Variants in PDE4D observed in about 807,000 individuals in gnomAD.
PDE4D encodes 3',5'-cyclic-AMP phosphodiesterase 4D.
Under a neutral mutation model 87.4 loss-of-function variants are expected in PDE4D, and 24 were observed. The ratio of observed to expected loss-of-function variants is 0.27; its 90% CI spans 0.20 to 0.39. The LOEUF is 0.39. PDE4D is among the 10% of genes least tolerant of loss of function. The pLI is 1.00. For synonymous variants in PDE4D, 384 were observed against 383.2 expected (o/e 1.00, Z -0.02); for missense variants, 714 against 1,041.0 (o/e 0.69, Z 4.32).
At chr5:59,408,365 T>G (rs932290077) in intron 1 of PDE4D, among the ~76,000 whole-genome samples, 2 of 152,112 alleles carry the variant, frequency 1.3e-5, no homozygotes, top group Admixed American at 1.3e-4. Context: ...GAAAGAGTGA[T>G]CCTAGTCTCT....
At chr5:59,863,952 TG>T (rs1746652698) in intron 1 of PDE4D, among the ~76,000 whole-genome samples, 1 of 152,144 alleles carries the variant, frequency 6.6e-6, no homozygotes, top group African/African-American at 2.4e-5. Context: ...ACTGGCTCCC[TG>T]GAAGGCTGAG....
chr5:59,704,393 AATG>A (rs1334607819), intron 1 of PDE4D, among the ~76,000 whole-genome samples: 1 of 152,190 alleles, frequency 6.6e-6, no homozygotes, highest in African/African-American at 2.4e-5. Context: ...CATCATCTAC[AATG>A]ATGACACCAT....
chr5:59,161,389 C>A (rs1781080114), intron 5 of PDE4D, among the ~76,000 whole-genome samples: 1 of 152,106 alleles, frequency 6.6e-6, no homozygotes, highest in Non-Finnish European at 1.5e-5. Context: ...TTCGAGGTCA[C>A]AGGTAGATTT....
At chr5:60,031,582 G>T (rs1002042612) in intron 2 of PDE4D, among the ~76,000 whole-genome samples, 1 of 152,162 alleles carries the variant, frequency 6.6e-6, no homozygotes, top group African/African-American at 2.4e-5. Flanking sequence ...ATGTCAGTCA[G>T]CTAGCCCTGC....
intron 2 of PDE4D, among the ~76,000 whole-genome samples, chr5:60,008,040 T>C (rs1045005023): frequency 1.3e-5 from 2 of 151,972 alleles, no homozygotes; most frequent in African/African-American, 4.8e-5. Context: ...AAATAGCCAG[T>C]CTCAAGTCAC....
chr5:60,221,641 A>G (rs1196009617), intron 1 of PDE4D, among the ~76,000 whole-genome samples: 2 of 152,166 alleles, frequency 1.3e-5, no homozygotes, highest in African/African-American at 4.8e-5. Context: ...AGAAGCAATG[A>G]CACATAGGAT....
At chr5:59,810,490 T>A (rs1207102110) in intron 1 of PDE4D, among the ~76,000 whole-genome samples, 2 of 152,250 alleles carry the variant, frequency 1.3e-5, no homozygotes, top group Non-Finnish European at 2.9e-5. Context: ...TGGGAACTTA[T>A]AATGAAAAGA....
At chr5:59,395,997 A>G (rs1329312154) in intron 1 of PDE4D, among the ~76,000 whole-genome samples, 1 of 120,548 alleles carries the variant, frequency 8.3e-6, no homozygotes, top group Admixed American at 8.1e-5. Flanking sequence ...GGAAGATGAA[A>G]TGAATGAAAT....
intron 1 of PDE4D, among the ~76,000 whole-genome samples, chr5:60,414,981 A>G (rs1475591874): frequency 1.3e-5 from 2 of 152,252 alleles, no homozygotes; most frequent in Non-Finnish European, 2.9e-5. Context: ...ATCATTTGCC[A>G]TTGGGCAGAC....
rs113428981 is a variant in PDE4D, at chr5:60,269,546, A to T, written c.-89-83859T>A. ...ATGCTGCTGTGAACATTCTTAAAAG[A>T]CCAATTTGGTTATATTTTTGTTGGT... is the stretch of plus-strand genomic sequence containing the variant. On this transcript the variant is annotated intron_variant, in intron 1 of 16. Coordinates refer to the PDE4D transcript ENST00000502484. 1.4e-3 allele frequency among the ~76,000 whole-genome samples: 219 copies of T among 152,220 alleles called. 3 individuals carry two copies. Among genetic ancestry groups the T allele is most frequent in the African/African-American group, 5.1e-3 (212 of 41,498 alleles).
intron 1 of PDE4D, among the ~76,000 whole-genome samples, chr5:60,319,522 T>C (rs1364417514): frequency 6.6e-6 from 1 of 152,242 alleles, no homozygotes; most frequent in African/African-American, 2.4e-5. Context: ...GTTCCGTTGC[T>C]GATGAGGAGC....
At chr5:59,678,018 CAAAT>C (rs1437358325) in intron 1 of PDE4D, among the ~76,000 whole-genome samples, 1 of 152,150 alleles carries the variant, frequency 6.6e-6, no homozygotes, top group Non-Finnish European at 1.5e-5. Context: ...GCTAAATCAA[CAAAT>C]AAATAATCCC....
chr5:59,435,518 C>T (rs1390211528), intron 1 of PDE4D, among the ~76,000 whole-genome samples: 1 of 152,134 alleles, frequency 6.6e-6, no homozygotes, highest in Non-Finnish European at 1.5e-5. Flanking sequence ...AGCGTAATCT[C>T]TTCCAAAAAA....
intron 1 of PDE4D, among the ~76,000 whole-genome samples, chr5:59,223,754 T>C (rs1753073692): frequency 1.3e-5 from 2 of 152,138 alleles, no homozygotes; most frequent in South Asian, 4.1e-4. Context: ...GAGATGAGAC[T>C]GTAGAAACTA....
intron 1 of PDE4D, among the ~76,000 whole-genome samples, chr5:59,532,492 C>T (rs1488579724): frequency 6.6e-6 from 1 of 152,108 alleles, no homozygotes; most frequent in Admixed American, 6.6e-5. Context: ...AACCTTAGTC[C>T]TCATTTGAAA....
chr5:60,116,529 A>G (rs1220035715), intron 2 of PDE4D, among the ~76,000 whole-genome samples: 1 of 152,092 alleles, frequency 6.6e-6, no homozygotes, highest in African/African-American at 2.4e-5. Flanking sequence ...AGAGGAGAAA[A>G]TGTACATTCT....
chr5:60,031,186 G>A (rs1179687719), intron 2 of PDE4D, among the ~76,000 whole-genome samples: 1 of 152,172 alleles, frequency 6.6e-6, no homozygotes, highest in East Asian at 1.9e-4. Flanking sequence ...TTGGGTAAAG[G>A]AGTAGTGAGG....
intron 1 of PDE4D, among the ~76,000 whole-genome samples, chr5:59,609,173 G>A (rs909448024): frequency 2.0e-5 from 3 of 152,074 alleles, no homozygotes; most frequent in African/African-American, 7.2e-5. Flanking sequence ...TGGATGGGAA[G>A]TAGAAGGATA....
At chr5:58,999,808 A>G in intron 6 of PDE4D, 1 of 1,000,304 alleles carries the variant, frequency 1.0e-6, no homozygotes, top group Non-Finnish European at 1.2e-6. Flanking sequence ...GTGATAAAGG[A>G]ATATCTAAAG....
Sources: gnomAD v4.1 joint callset for allele counts (sites outside exome capture counted in the v4.1 genomes callset) on GRCh38, gnomAD v4.1.1 for gene constraint, MANE v1.5 for transcripts, NCBI Gene and HGNC (gene_info 2026-07-23, HGNC 2026-07-21) for gene names.